Variants in ZC3H13 observed in about 807,000 individuals in gnomAD.
ZC3H13 encodes the protein zinc finger CCCH domain-containing protein 13.
ZC3H13 carries 64 observed loss-of-function variants against 204.1 expected under a neutral mutation model. That is an observed-to-expected ratio of 0.31 (90% CI 0.26 to 0.39). The LOEUF (loss-of-function observed/expected upper bound fraction) is 0.39. Ranked by LOEUF, ZC3H13 falls within the 10% of genes least tolerant of loss-of-function variation. The probability of loss-of-function intolerance (pLI) is 1.00; values close to 1 mark genes in which losing one functional copy is unlikely to be tolerated. For missense variants in ZC3H13, 1,833 were observed against 2,082.7 expected (o/e 0.88, Z 2.33); for synonymous variants, 667 against 693.7 (o/e 0.96, Z 0.60).
intron 16 of ZC3H13, among the ~76,000 whole-genome samples, chr13:45,964,633 A>AT (rs1413420671): frequency 6.6e-6 from 1 of 152,216 alleles, no homozygotes; most frequent in East Asian, 1.9e-4. Context: ...ATTGCAAAAT[A>AT]TAAGAGCAAA....
chr13:46,034,667 T>C (rs2043103822), intron 4 of ZC3H13, among the ~76,000 whole-genome samples: 1 of 152,148 alleles, frequency 6.6e-6, no homozygotes, highest in Non-Finnish European at 1.5e-5. Flanking sequence ...GTGGTAGTTA[T>C]ACAGGTGGCA....
intron 8 of ZC3H13, among the ~76,000 whole-genome samples, chr13:45,999,212 T>C (rs776921876): frequency 1.3e-5 from 2 of 152,098 alleles, no homozygotes; most frequent in Non-Finnish European, 2.9e-5. Context: ...GCCAGTGCAC[T>C]TAAGCCTGGG....
chr13:46,048,853 A>C (rs926147176), intron 1 of ZC3H13, among the ~76,000 whole-genome samples: 1 of 151,716 alleles, frequency 6.6e-6, no homozygotes, highest in Non-Finnish European at 1.5e-5. Flanking sequence ...AAATGTGGCC[A>C]AGCGCAGTGA....
intron 4 of ZC3H13, among the ~76,000 whole-genome samples, chr13:46,030,934 T>C (rs2042860054): frequency 6.6e-6 from 1 of 152,206 alleles, no homozygotes. Flanking sequence ...ACTTTGTAGA[T>C]ACTGACATAC....
At position 46,003,303 on chromosome 13, in the gene ZC3H13, T is replaced by G. The variant is rs2040886457; in HGVS notation, c.780A>C (p.Gly260=). Residue 260 remains glycine (G), a synonymous_variant, in exon 8 of 19, where the codon GGA becomes GGC. Coordinates refer to ENST00000679008, the MANE Select transcript of ZC3H13 (RefSeq NM_001330564.2). ...NSKTNQSKKK[G]PRTPSPPPPI... is the part of the protein sequence containing the mutation. Reference sequence around the variant, plus strand: ...GAGGGGGTGGACTAGGAGTACGTGGTCCTTTCTTTTTACTTTGGTTGGTTT... The same window carrying G: ...GAGGGGGTGGACTAGGAGTACGTGGGCCTTTCTTTTTACTTTGGTTGGTTT... The G allele has an allele frequency of 6.8e-6, 11 of 1,608,928 alleles. No homozygotes were observed. The highest frequency in any genetic ancestry group is 9.3e-6 in the Non-Finnish European group (11 of 1,178,884).
At chr13:46,032,000 C>T (rs1385930597) in intron 4 of ZC3H13, among the ~76,000 whole-genome samples, 1 of 152,126 alleles carries the variant, frequency 6.6e-6, no homozygotes. Flanking sequence ...TTCATAATTG[C>T]CAAAACTTGG....
intron 4 of ZC3H13, among the ~76,000 whole-genome samples, chr13:46,023,152 G>A (rs1216987017): frequency 6.6e-6 from 1 of 152,088 alleles, no homozygotes; most frequent in Non-Finnish European, 1.5e-5. Context: ...TGGTTAGGAG[G>A]CTGTGTAAGT....
chr13:45,962,183 G>A (rs1334589078), intron 17 of ZC3H13: 3 of 985,224 alleles, frequency 3.0e-6, no homozygotes, highest in Non-Finnish European at 3.6e-6. Flanking sequence ...GGATATGGCA[G>A]TAAACAAGAC....
intron 9 of ZC3H13, among the ~76,000 whole-genome samples, chr13:45,988,032 G>A (rs1050611338): frequency 3.9e-5 from 6 of 152,028 alleles, no homozygotes; most frequent in South Asian, 2.1e-4. Context: ...TTGATGACTC[G>A]GTTTGCAATG....
intron 4 of ZC3H13, among the ~76,000 whole-genome samples, chr13:46,034,947 T>A (rs1287318561): frequency 6.6e-6 from 1 of 152,076 alleles, no homozygotes; most frequent in Non-Finnish European, 1.5e-5. Context: ...ACGCATATAT[T>A]TATTTGCTCT....
chr13:45,957,267 G>A lies in ZC3H13; in HGVS notation c.4870C>T (p.Pro1624Ser). ...CGAAGTAATTCATTGTCTACCATTG[G>A]AGCACTCGTGTAAGCTTGTTTTATG... The part of the protein sequence containing the change: ...GTIKQAYTSA[P>S]MVDNELLRLS... Residue 1624 changes from proline to serine, a missense_variant, in exon 19 of 19, where the codon CCA becomes TCA. This residue lies in a region of ZC3H13 where 211 missense variants were observed against 228.4 expected (regional missense o/e 0.92). Transcript: ENST00000679008. 5 of 1,544,074 alleles carry A rather than the reference G, an allele frequency of 3.2e-6. No homozygotes were observed. The highest frequency in any genetic ancestry group is 4.4e-6 in the Non-Finnish European group (5 of 1,143,302).
At position 45,956,247 on chromosome 13, in the gene ZC3H13, T is replaced by G. The variant is rs919121433; in HGVS notation, c.*880A>C. 6 of 152,174 alleles carry G rather than the reference T, an allele frequency of 3.9e-5. No homozygotes were observed. The highest frequency in any genetic ancestry group is 3.9e-4 in the Admixed American group (6 of 15,268). The allele number at this position is 152,174 out of a possible 1,614,324, so 9.4% of individuals were successfully genotyped here. A position where few individuals can be genotyped will look rare whatever the true frequency, so the allele number is the denominator to read the frequency against. On this transcript the variant is annotated 3_prime_UTR_variant, in exon 19 of 19. Coordinates refer to ENST00000679008, the MANE Select transcript of ZC3H13 (RefSeq NM_001330564.2). The stretch of plus-strand genomic sequence containing the variant: ...CTCTTGATTTGCTTTGAGTAATTTT[T>G]TTCTTCAAAAGCCACATTCCAAGAA...
chr13:46,047,821 A>T (rs905616386), intron 1 of ZC3H13, among the ~76,000 whole-genome samples: 1 of 152,222 alleles, frequency 6.6e-6, no homozygotes, highest in Admixed American at 6.5e-5. Context: ...AATTTTTAAA[A>T]CATTTCTTAA....
chr13:46,052,534 C>T lies in ZC3H13; in HGVS notation c.-140G>A, dbSNP rs1593869953. 7 of 398,710 alleles carry T rather than the reference C, an allele frequency of 1.8e-5. No homozygotes were observed. The East Asian group carries it at 2.5e-4, about 14-fold the overall frequency. 24.7% of individuals were successfully genotyped at this position (398,710 alleles called of 1,614,324 possible). A position where few individuals can be genotyped will look rare whatever the true frequency, so the allele number is the denominator to read the frequency against. ...ACGACGACGAGGAGAAAGCGATGCG[C>T]GCGCGGCTCCCGGGAACCGGCTCTT... is the stretch of plus-strand genomic sequence containing the variant. On this transcript the variant is annotated 5_prime_UTR_variant, in exon 1 of 19. Transcript: ENST00000679008.
rs756223589 is a variant in ZC3H13, at chr13:45,968,787, G to T, written c.3757C>A (p.Gln1253Lys). The change falls in exon 14 of 19, where the codon CAG (glutamine) becomes AAG (lysine). Residue 1253 changes from glutamine to lysine, a missense_variant. Physicochemically the swap from Gln to Lys is moderately conservative, Grantham distance 53 (BLOSUM62 1). Transcript: ENST00000679008. Reference sequence around the variant, plus strand: ...CGACTGGGTTCTCCACGCTTTAACTGATCAATCCTAGATTTTCTCTCTCCT... The same window carrying T: ...CGACTGGGTTCTCCACGCTTTAACTTATCAATCCTAGATTTTCTCTCTCCT... ...ITGERKSRID[Q>K]LKRGEPSRST... 5 of 1,610,744 alleles carry T rather than the reference G, an allele frequency of 3.1e-6. No individual in the cohort carries two copies. In the Admixed American group the frequency reaches 8.5e-5, roughly 27 times the overall value.
At chr13:46,005,724 A>G (rs950180858) in intron 7 of ZC3H13, among the ~76,000 whole-genome samples, 2 of 152,172 alleles carry the variant, frequency 1.3e-5, no homozygotes, top group African/African-American at 2.4e-5. Flanking sequence ...CTTGGGCTCA[A>G]GTGATCTGTC....
At chr13:46,034,100 T>C (rs1415993469) in intron 4 of ZC3H13, among the ~76,000 whole-genome samples, 1 of 151,798 alleles carries the variant, frequency 6.6e-6, no homozygotes, top group Non-Finnish European at 1.5e-5. Flanking sequence ...GAAATGAAAA[T>C]TAAAACTACT....
rs968626843 is a variant in ZC3H13 at position 45,955,409 on chromosome 13, A to G, written c.*1718T>C. 2.0e-5 allele frequency: 3 copies of G among 152,202 alleles called. No homozygotes were observed. The highest frequency in any genetic ancestry group is 2.9e-5 in the Non-Finnish European group (2 of 68,022). The allele number at this position is 152,202 out of a possible 1,614,324, so 9.4% of individuals were successfully genotyped here. A position where few individuals can be genotyped will look rare whatever the true frequency, so the allele number is the denominator to read the frequency against. Reference sequence around the variant, plus strand: ...ATTTTCTTTTGCAACATACATAACAAAAAGATTTCAAACTGAAAGACAACA... The same window carrying G: ...ATTTTCTTTTGCAACATACATAACAGAAAGATTTCAAACTGAAAGACAACA... On this transcript the variant is annotated 3_prime_UTR_variant, in exon 19 of 19. Transcript: ENST00000679008.
At position 46,010,344 on chromosome 13, in the gene ZC3H13, T is replaced by C. The variant is rs1415953094; in HGVS notation, c.746+4A>G. 1.2e-6 allele frequency: 2 copies of C among 1,605,380 alleles called. No individual in the cohort carries two copies. The highest frequency in any genetic ancestry group is 3.3e-5 in the Admixed American group (2 of 59,796). ...TTCTCGATACTATTTATCACCCTAC[T>C]GACCTCTGCTGGTCCAACAGGGGAG... On this transcript the variant is annotated splice_donor_region_variant and intron_variant, in intron 7 of 18. Coordinates refer to ENST00000679008, the MANE Select transcript of ZC3H13 (RefSeq NM_001330564.2).
Sources: allele counts gnomAD v4.1 joint callset (sites outside exome capture counted in the v4.1 genomes callset), GRCh38; gene constraint gnomAD v4.1.1; regional missense constraint gnomAD v4.1.1; transcripts MANE v1.5; gene names NCBI Gene and HGNC (gene_info 2026-07-23, HGNC 2026-07-21).